KIAA1328: variants seen among roughly 807,000 people sequenced by gnomAD.
KIAA1328 encodes protein hinderin.
In KIAA1328, 52 loss-of-function variants were observed where a neutral mutation model predicts 68.1. The ratio of observed to expected loss-of-function variants is 0.76; its 90% CI spans 0.61 to 0.96. KIAA1328 has a LOEUF of 0.96. Among genes scored for constraint, KIAA1328 ranks in the 40% least tolerant of loss-of-function variants. KIAA1328 has a pLI of 0.00. For missense variants in KIAA1328, 641 were observed against 677.6 expected (o/e 0.95, Z 0.60); for synonymous variants, 232 against 239.4 (o/e 0.97, Z 0.28).
At chr18:36,940,344 A>C (rs1284722527) in intron 5 of KIAA1328, among the ~76,000 whole-genome samples, 1 of 152,194 alleles carries the variant, frequency 6.6e-6, no homozygotes, top group Non-Finnish European at 1.5e-5. Context: ...CCCAGATGAT[A>C]CCAGTGCTGC....
At position 36,959,349 on chromosome 18, in the gene KIAA1328, C is replaced by G. The variant is rs761294720; in HGVS notation, c.490C>G (p.Leu164Val). 1 of 1,605,984 alleles carries G rather than the reference C, an allele frequency of 6.2e-7. No individual in the cohort carries two copies. The highest frequency in any genetic ancestry group is 2.2e-5 in the East Asian group (1 of 44,760). Residue 164 changes from leucine to valine, a missense_variant, in exon 6 of 10, where the codon CTG becomes GTG. Physicochemically the swap from Leu to Val is conservative, Grantham distance 32 (BLOSUM62 1). Transcript: ENST00000280020. ...QYRECQELLS[L>V]YQKYLSEQQE... is the part of the protein sequence containing the mutation. Reference sequence around the variant, plus strand: ...TAGAGAATGCCAAGAACTTCTAAGCCTGTATCAGAAATATTTATCAGAACA... The same window carrying G: ...TAGAGAATGCCAAGAACTTCTAAGCGTGTATCAGAAATATTTATCAGAACA...
At chr18:36,887,632 G>T (rs2048545191) in intron 5 of KIAA1328, among the ~76,000 whole-genome samples, 1 of 152,124 alleles carries the variant, frequency 6.6e-6, no homozygotes, top group African/African-American at 2.4e-5. Context: ...ATTTATAAAA[G>T]TCCTGAATTT....
chr18:37,075,518 A>G (rs1414773294), intron 7 of KIAA1328: 1 of 152,216 alleles, frequency 6.6e-6, no homozygotes, highest in Non-Finnish European at 1.5e-5. Context: ...AAATGCTCCA[A>G]TTAAAAGACA....
At chr18:37,151,618 C>A (rs1179827597) in intron 7 of KIAA1328, among the ~76,000 whole-genome samples, 1 of 152,016 alleles carries the variant, frequency 6.6e-6, no homozygotes, top group Non-Finnish European at 1.5e-5. Flanking sequence ...CAGAAACAGA[C>A]CCACACACTC....
At chr18:37,229,457 A>C, downstream of KIAA1328, 1 of 749,536 alleles carries the variant, frequency 1.3e-6, no homozygotes, top group Non-Finnish European at 1.8e-6. Flanking sequence ...AATGAAAATG[A>C]AGTTTAGCAA....
intron 9 of KIAA1328, among the ~76,000 whole-genome samples, chr18:37,213,527 T>C (rs1469567240): frequency 6.6e-6 from 1 of 152,248 alleles, no homozygotes. Flanking sequence ...ATGTGCCACA[T>C]TTCCTTAATC....
At chr18:37,196,475 G>T (rs1285688798) in intron 9 of KIAA1328, among the ~76,000 whole-genome samples, 1 of 152,006 alleles carries the variant, frequency 6.6e-6, no homozygotes, top group Non-Finnish European at 1.5e-5. Flanking sequence ...CACCTAATAT[G>T]TTGAGGGTTT....
intron 5 of KIAA1328, among the ~76,000 whole-genome samples, chr18:36,896,413 G>T (rs770852650): frequency 3.9e-5 from 6 of 152,022 alleles, no homozygotes; most frequent in South Asian, 2.1e-4. Flanking sequence ...TTTACTGAAG[G>T]CTCCAGACGT....
intron 9 of KIAA1328, among the ~76,000 whole-genome samples, chr18:37,208,036 C>T (rs757854539): frequency 2.6e-5 from 4 of 151,954 alleles, no homozygotes; most frequent in African/African-American, 7.3e-5. Context: ...CTCGAACTGC[C>T]GACCTTAGGT....
In KIAA1328 at chr18:36,998,465, G is replaced by A. The variant is rs184391152; in HGVS notation, c.576+39030G>A. Among the ~76,000 whole-genome samples, 275 of 152,256 alleles carry A rather than the reference G, an allele frequency of 1.8e-3. 1 individual carries two copies. Among genetic ancestry groups the A allele is most frequent in the African/African-American group, 6.1e-3 (255 of 41,530 alleles). On this transcript the variant is annotated intron_variant, in intron 6 of 9. Transcript: ENST00000280020. ...GATCCAAACAAACCACATGAAGGAC[G>A]AAAAATTGGCTTGCTGATAACCACC...
intron 7 of KIAA1328, among the ~76,000 whole-genome samples, chr18:37,076,057 T>A (rs1002999326): frequency 1.3e-5 from 2 of 152,096 alleles, no homozygotes; most frequent in African/African-American, 4.8e-5. Context: ...ACCACACCTA[T>A]TCCAAAATTG....
chr18:37,026,384 T>A (rs1412920131), intron 6 of KIAA1328, among the ~76,000 whole-genome samples: 3 of 152,078 alleles, frequency 2.0e-5, no homozygotes, highest in Non-Finnish European at 4.4e-5. Context: ...GAGGCCAACA[T>A]CATCCTGATA....
intron 4 of KIAA1328, among the ~76,000 whole-genome samples, chr18:36,848,484 A>G (rs1472861179): frequency 6.7e-6 from 1 of 148,408 alleles, no homozygotes; most frequent in Non-Finnish European, 1.5e-5. Context: ...TTGTGCATAA[A>G]AGATGTCATC....
chr18:37,203,915 T>C (rs1421750193), intron 9 of KIAA1328, among the ~76,000 whole-genome samples: 1 of 152,046 alleles, frequency 6.6e-6, no homozygotes, highest in Non-Finnish European at 1.5e-5. Context: ...GTTCATGCCA[T>C]TCTCCTGCCT....
intron 8 of KIAA1328, among the ~76,000 whole-genome samples, chr18:37,167,055 T>C (rs2059403037): frequency 6.6e-6 from 1 of 152,178 alleles, no homozygotes; most frequent in South Asian, 2.1e-4. Flanking sequence ...GAATATATCC[T>C]AATGAAATGG....
chr18:36,832,363 G>C (rs1451664889), intron 1 of KIAA1328, among the ~76,000 whole-genome samples: 6 of 151,990 alleles, frequency 3.9e-5, no homozygotes, highest in Non-Finnish European at 8.8e-5. Flanking sequence ...AAAGCAGGTG[G>C]ATCACAAGGT....
At chr18:37,021,894 G>T (rs1046247932) in intron 6 of KIAA1328, among the ~76,000 whole-genome samples, 1 of 151,860 alleles carries the variant, frequency 6.6e-6, no homozygotes, top group Non-Finnish European at 1.5e-5. Context: ...CAAAAAATTA[G>T]CTGGACATGG....
chr18:37,221,815 G>C (rs114617282), intron 9 of KIAA1328, among the ~76,000 whole-genome samples: 85 of 152,262 alleles, frequency 5.6e-4, no homozygotes, highest in African/African-American at 2.0e-3. Flanking sequence ...CAAAAGAGAA[G>C]AGCTTATGTA....
intron 6 of KIAA1328, among the ~76,000 whole-genome samples, chr18:37,039,047 A>G (rs565028209): frequency 3.0e-4 from 46 of 152,222 alleles, no homozygotes; most frequent in Middle Eastern, 3.4e-3. Context: ...CCAACCTTAC[A>G]TTTCTGGAAT....
Sources: allele counts gnomAD v4.1 joint callset (sites outside exome capture counted in the v4.1 genomes callset), GRCh38; gene constraint gnomAD v4.1.1; transcripts MANE v1.5; gene names NCBI Gene and HGNC (gene_info 2026-07-23, HGNC 2026-07-21).